Variants in GRAMD1B observed in about 807,000 individuals in gnomAD.
The protein encoded by GRAMD1B is protein Aster-B.
In GRAMD1B, 37 loss-of-function variants were observed where a neutral mutation model predicts 99.7. The observed-to-expected ratio is 0.37, with a 90% CI of 0.29 to 0.49. The LOEUF (loss-of-function observed/expected upper bound fraction) is 0.49, where lower values mean the gene tolerates loss of function less well. Among genes scored for constraint, GRAMD1B ranks in the 20% least tolerant of loss-of-function variants. The pLI, the probability that GRAMD1B is intolerant of heterozygous loss-of-function variation, is 0.98. For synonymous variants in GRAMD1B, 427 were observed against 387.6 expected (o/e 1.10, Z -1.19); for missense variants, 888 against 1,009.2 (o/e 0.88, Z 1.63).
At chr11:123,385,863 CTGTG>C (rs543732277) in intron 1 of GRAMD1B, among the ~76,000 whole-genome samples, 5 of 151,716 alleles carry the variant, frequency 3.3e-5, no homozygotes, top group Admixed American at 6.6e-5. Flanking sequence ...CACTGTGAGT[CTGTG>C]TGTGTGTGTA....
chr11:123,371,307 C>T (rs892269752), intron 1 of GRAMD1B, among the ~76,000 whole-genome samples: 1 of 152,088 alleles, frequency 6.6e-6, no homozygotes, highest in Non-Finnish European at 1.5e-5. Context: ...GTCTCACGGC[C>T]TGTCTGCCAG....
At chr11:123,622,114 G>A (rs561482604) in intron 19 of GRAMD1B, among the ~76,000 whole-genome samples, 19 of 151,996 alleles carry the variant, frequency 1.3e-4, no homozygotes, top group East Asian at 3.9e-4. Flanking sequence ...GCAAACTCCC[G>A]GGTTCAAGCC....
intron 2 of GRAMD1B, among the ~76,000 whole-genome samples, chr11:123,575,086 A>G (rs1299523325): frequency 1.3e-5 from 2 of 152,074 alleles, no homozygotes; most frequent in East Asian, 1.9e-4. Flanking sequence ...AGAGTGGGCT[A>G]AAGTGGGACT....
chr11:123,528,979 T>C (rs1256132747), intron 2 of GRAMD1B, among the ~76,000 whole-genome samples: 1 of 152,228 alleles, frequency 6.6e-6, no homozygotes, highest in Non-Finnish European at 1.5e-5. Flanking sequence ...CAGGCCTTCT[T>C]TCCCAGAGAG....
rs7940799 is a variant in GRAMD1B, at chr11:123,411,985, T to C, written c.-176+53186T>C. Among the ~76,000 whole-genome samples, 544 of 152,332 alleles carry C rather than the reference T, an allele frequency of 3.6e-3. 2 individuals are homozygous for C. Among genetic ancestry groups the C allele is most frequent in the African/African-American group, 0.013 (528 of 41,566 alleles). On this transcript the variant is annotated intron_variant, in intron 1 of 20. Transcript: ENST00000638157. ...TATGAACAAGTGAAATCTATAATGA[T>C]ACTACTTAATACAACATAGAAAATT...
At chr11:123,502,919 G>T (rs1172684793) in intron 2 of GRAMD1B, among the ~76,000 whole-genome samples, 1 of 152,200 alleles carries the variant, frequency 6.6e-6, no homozygotes, top group Admixed American at 6.5e-5. Flanking sequence ...TCATCTGGCA[G>T]TACAGTTGAC....
chr11:123,518,329 G>A (rs1271727805), intron 2 of GRAMD1B, among the ~76,000 whole-genome samples: 1 of 152,166 alleles, frequency 6.6e-6, no homozygotes, highest in Non-Finnish European at 1.5e-5. Context: ...ATAGAGCGGG[G>A]AATCCTCTAT....
chr11:123,377,956 G>C (rs539289540), intron 1 of GRAMD1B, among the ~76,000 whole-genome samples: 2 of 152,332 alleles, frequency 1.3e-5, no homozygotes, highest in South Asian at 4.1e-4. Context: ...GTTTTAGACT[G>C]AGTATGGAAA....
intron 4 of GRAMD1B, among the ~76,000 whole-genome samples, chr11:123,586,905 C>T (rs950101899): frequency 6.6e-6 from 1 of 152,222 alleles, no homozygotes; most frequent in African/African-American, 2.4e-5. Context: ...ATTCGTTACA[C>T]TAGACGTCCT....
At chr11:123,432,469 A>G (rs572078836) in intron 1 of GRAMD1B, among the ~76,000 whole-genome samples, 4 of 151,578 alleles carry the variant, frequency 2.6e-5, no homozygotes, top group Non-Finnish European at 5.9e-5. Flanking sequence ...AGGCAAGAGA[A>G]TCGCTTGAAC....
chr11:123,570,164 G>A (rs918957113), intron 2 of GRAMD1B, among the ~76,000 whole-genome samples: 3 of 152,162 alleles, frequency 2.0e-5, no homozygotes, highest in Admixed American at 6.5e-5. Context: ...TCAAACTTCA[G>A]AGTGCTTCAG....
chr11:123,395,775 G>T (rs973238258), intron 1 of GRAMD1B, among the ~76,000 whole-genome samples: 1 of 152,186 alleles, frequency 6.6e-6, no homozygotes, highest in African/African-American at 2.4e-5. Flanking sequence ...AGCCAAGGAT[G>T]AAAACCCCTG....
intron 1 of GRAMD1B, among the ~76,000 whole-genome samples, chr11:123,396,045 G>A (rs768448477): frequency 1.3e-5 from 2 of 152,148 alleles, no homozygotes; most frequent in Middle Eastern, 3.4e-3. Context: ...ACTGAGGCTG[G>A]GGTCGATGAA....
chr11:123,555,970 G>A (rs1192215377), intron 2 of GRAMD1B, among the ~76,000 whole-genome samples: 1 of 152,130 alleles, frequency 6.6e-6, no homozygotes, highest in African/African-American at 2.4e-5. Context: ...CTGACCTCAG[G>A]TGATCCACCT....
intron 1 of GRAMD1B, among the ~76,000 whole-genome samples, chr11:123,371,926 C>A (rs1056918533): frequency 1.3e-5 from 2 of 152,128 alleles, no homozygotes; most frequent in African/African-American, 4.8e-5. Flanking sequence ...GTTCTACATA[C>A]AAATACCAAA....
rs2136917162 is a variant in GRAMD1B, at chr11:123,608,738, C to G, written c.1593C>G (p.Leu531=). The change falls in exon 12 of 20, where the codon CTC becomes CTG. Residue 531 remains leucine (L), a synonymous_variant. Coordinates refer to ENST00000635736, the MANE Select transcript of GRAMD1B (RefSeq NM_001387025.1). ...NEVFNFSVDK[L]YDLLFTNSPF... ...TCTTCAACTTCAGCGTGGACAAGCT[C>G]TATGACCTCCTCTTCACCAACTCGC... is the stretch of plus-strand genomic sequence containing the variant. 4 of 1,553,984 alleles carry G rather than the reference C, an allele frequency of 2.6e-6. No homozygotes were observed. Among genetic ancestry groups the G allele is most frequent in the Non-Finnish European group, 3.5e-6 (4 of 1,148,030 alleles).
chr11:123,561,005 C>T (rs1046047813), intron 2 of GRAMD1B, among the ~76,000 whole-genome samples: 2 of 152,228 alleles, frequency 1.3e-5, no homozygotes, highest in Middle Eastern at 3.4e-3. Flanking sequence ...CCCTCCCTAG[C>T]CTTTTCTTTT....
chr11:123,552,273 C>CTTTTTTTTTTTTTTTTTTTTTCT (rs71060514), intron 2 of GRAMD1B, among the ~76,000 whole-genome samples: 1 of 119,370 alleles, frequency 8.4e-6, no homozygotes, highest in African/African-American at 3.2e-5. Flanking sequence ...CTCTTTCTTT[C>CTTTTTTTTTTTTTTTTTTTTTCT]TTTTTTTTTT....
At chr11:123,589,428 G>A (rs1465748036) in intron 4 of GRAMD1B, among the ~76,000 whole-genome samples, 1 of 151,598 alleles carries the variant, frequency 6.6e-6, no homozygotes, top group African/African-American at 2.4e-5. Flanking sequence ...GAGAATCCAG[G>A]TTCCTTTAAA....
Sources: allele counts gnomAD v4.1 joint callset (sites outside exome capture counted in the v4.1 genomes callset), GRCh38; gene constraint gnomAD v4.1.1; transcripts MANE v1.5; gene names NCBI Gene and HGNC (gene_info 2026-07-23, HGNC 2026-07-21).